ELOVL7: variants seen among roughly 807,000 people sequenced by gnomAD.
ELOVL7 encodes the protein ELOVL fatty acid elongase 7.
Under a neutral mutation model 35.7 loss-of-function variants are expected in ELOVL7, and 27 were observed. The ratio of observed to expected loss-of-function variants is 0.76; its 90% confidence interval spans 0.56 to 1.04. The LOEUF (loss-of-function observed/expected upper bound fraction) is 1.04. Ranked by LOEUF, ELOVL7 falls within the 50% of genes least tolerant of loss-of-function variation. The pLI is 0.00. For synonymous variants in ELOVL7, 113 were observed against 114.6 expected (o/e 0.99, Z 0.09); for missense variants, 327 against 340.8 (o/e 0.96, Z 0.32).
chr5:60,754,451 A>G lies in ELOVL7; in HGVS notation c.*173T>C. 1 of 619,650 alleles carries G rather than the reference A, an allele frequency of 1.6e-6. No homozygotes were observed. The highest frequency in any genetic ancestry group is 2.8e-6 in the Non-Finnish European group (1 of 358,350). The allele number at this position is 619,650 out of a possible 1,614,324, so 38.4% of individuals were successfully genotyped here. ...GGCTGCTGTAGGCTCTAATTATCAG[A>G]AGACTGTTATCTGGAAGCTTCGGGC... is the stretch of plus-strand genomic sequence containing the variant. On this transcript the variant is annotated 3_prime_UTR_variant, in exon 9 of 9. Coordinates refer to ENST00000508821, the MANE Select transcript of ELOVL7 (RefSeq NM_024930.3).
Position 60,757,585 on chromosome 5 carries a change from T to C in ELOVL7, c.560A>G (p.Tyr187Cys). The change falls in exon 8 of 9, where the codon TAC becomes TGC. Residue 187 changes from tyrosine to cysteine, a missense_variant. Tyr to Cys is a radical substitution (Grantham distance 194). Coordinates refer to ENST00000508821, the MANE Select transcript of ELOVL7 (RefSeq NM_024930.3). ...TGGCCCCAATGCAGAAAGTCCATAG[T>C]AGGAATACATGACTACATGTACAGC... Reference protein sequence around the residue: ...NTAVHVVMYSYYGLSALGPAY... With the variant: ...NTAVHVVMYSCYGLSALGPAY... 6.2e-7 allele frequency: 1 copy of C among 1,613,188 alleles called. No individual in the cohort carries two copies. Among genetic ancestry groups the C allele is most frequent in the Non-Finnish European group, 8.5e-7 (1 of 1,179,304 alleles).
At chr5:60,769,669 C>G (rs1271506477) in intron 4 of ELOVL7, among the ~76,000 whole-genome samples, 1 of 152,112 alleles carries the variant, frequency 6.6e-6, no homozygotes, top group African/African-American at 2.4e-5. Context: ...CTATCAAAAG[C>G]CTTTGTTTAA....
At chr5:60,819,292 A>G (rs1168908575) in intron 1 of ELOVL7, among the ~76,000 whole-genome samples, 1 of 152,106 alleles carries the variant, frequency 6.6e-6, no homozygotes, top group Non-Finnish European at 1.5e-5. Context: ...TGAATGAATT[A>G]CTACTAGTTG....
At chr5:60,780,280 C>T (rs1287560195) in intron 3 of ELOVL7, among the ~76,000 whole-genome samples, 4 of 152,072 alleles carry the variant, frequency 2.6e-5, no homozygotes, top group African/African-American at 9.7e-5. Flanking sequence ...CCACCACGCC[C>T]AGTTAATTTT....
intron 1 of ELOVL7, among the ~76,000 whole-genome samples, chr5:60,830,867 G>T (rs969406478): frequency 6.6e-6 from 1 of 152,000 alleles, no homozygotes; most frequent in African/African-American, 2.4e-5. Flanking sequence ...AATAATTTTT[G>T]CTTGGTAGAG....
intron 2 of ELOVL7, among the ~76,000 whole-genome samples, chr5:60,788,625 A>G (rs1193652839): frequency 6.6e-6 from 1 of 150,398 alleles, no homozygotes; most frequent in Non-Finnish European, 1.5e-5. Context: ...AAATACAAAA[A>G]CCAGCTAGGC....
chr5:60,798,122 C>T (rs1242969290), intron 2 of ELOVL7, among the ~76,000 whole-genome samples: 1 of 152,162 alleles, frequency 6.6e-6, no homozygotes, highest in East Asian at 1.9e-4. Context: ...TAAAACTAAG[C>T]TGTGCCCCGA....
At chr5:60,805,417 C>T (rs893654534) in intron 1 of ELOVL7, among the ~76,000 whole-genome samples, 3 of 152,156 alleles carry the variant, frequency 2.0e-5, no homozygotes, top group Admixed American at 6.5e-5. Flanking sequence ...GTGGTGGCAC[C>T]TGATTCTGGA....
intron 1 of ELOVL7, among the ~76,000 whole-genome samples, chr5:60,828,002 C>G (rs1180463081): frequency 1.8e-5 from 1 of 56,380 alleles, no homozygotes; most frequent in African/African-American, 6.9e-5. Context: ...CCTCAATTTC[C>G]CACATTTTAC....
intron 1 of ELOVL7, among the ~76,000 whole-genome samples, chr5:60,816,218 A>G (rs946788582): frequency 6.6e-6 from 1 of 152,128 alleles, no homozygotes; most frequent in African/African-American, 2.4e-5. Flanking sequence ...CATCTCTACT[A>G]AAAGTACAAA....
At chr5:60,830,591 CTTTT>C (rs1194123147) in intron 1 of ELOVL7, among the ~76,000 whole-genome samples, 34 of 145,964 alleles carry the variant, frequency 2.3e-4, no homozygotes, top group South Asian at 2.2e-3. Context: ...CCATCAGAGG[CTTTT>C]TTTTTCTTTC....
At position 60,766,596 on chromosome 5, in the gene ELOVL7, T is replaced by C. The variant is rs148759721; in HGVS notation, c.371A>G (p.Lys124Arg). The C allele has an allele frequency of 1.9e-5, 30 of 1,612,820 alleles. 1 individual carries two copies. The South Asian group carries it at 2.0e-4, about 11-fold the overall frequency. The change falls in exon 6 of 9, where the codon AAA (lysine) becomes AGA (arginine). Residue 124 changes from lysine to arginine, a missense_variant. Transcript: ENST00000508821. ...CACCGTATCTAATAGCTCAATAAATTTGGAGAAGTAATAAAGCCAGCAGGT... is the reference window on the plus strand; with the variant it reads ...CACCGTATCTAATAGCTCAATAAATCTGGAGAAGTAATAAAGCCAGCAGGT... ...ARTCWLYYFS[K>R]FIELLDTIFF...
At chr5:60,831,770 T>A (rs1045796762) in intron 1 of ELOVL7, among the ~76,000 whole-genome samples, 8 of 152,230 alleles carry the variant, frequency 5.3e-5, no homozygotes, top group African/African-American at 1.4e-4. Flanking sequence ...AAAAAGTACC[T>A]TATATATTTA....
In ELOVL7 at chr5:60,796,611, A is replaced by G. The variant is rs142622610; in HGVS notation, c.-35+2569T>C. On this transcript the variant is annotated intron_variant, in intron 2 of 8. Coordinates refer to ENST00000508821, the MANE Select transcript of ELOVL7 (RefSeq NM_024930.3). The stretch of plus-strand genomic sequence containing the variant: ...ACCAACATGTATTCATTCAAATAAA[A>G]GTTTGCTTCAGCGTAATCACTTTGG... Among the ~76,000 whole-genome samples, 66 of 152,380 alleles carry G rather than the reference A, an allele frequency of 4.3e-4. No individual in the cohort carries two copies. The East Asian group carries it at 0.012, about 28-fold the overall frequency.
At chr5:60,779,366 C>T (rs1824531) in intron 3 of ELOVL7, among the ~76,000 whole-genome samples, 23,501 of 152,216 alleles carry the variant, frequency 0.15, 1,972 homozygotes, top group South Asian at 0.29. Context: ...TCTACCTCTG[C>T]AGCAAACTTC....
intron 1 of ELOVL7, among the ~76,000 whole-genome samples, chr5:60,809,093 T>C (rs1236788279): frequency 6.6e-6 from 1 of 152,212 alleles, no homozygotes; most frequent in Non-Finnish European, 1.5e-5. Flanking sequence ...TTTTTGAGAA[T>C]GGTTGATGAT....
rs1199268155 is a variant in ELOVL7, at chr5:60,753,443, T to C, written c.*1181A>G. The C allele has an allele frequency of 1.3e-5, 2 of 152,122 alleles. No homozygotes were observed. The highest frequency in any genetic ancestry group is 4.8e-5 in the African/African-American group (2 of 41,410). 9.4% of individuals were successfully genotyped at this position (152,122 alleles called of 1,614,324 possible). ...TTAATTAATTCATAATTCCAGAAAA[T>C]GTTTTATTGTTCAGTGTATCTATAA... is the stretch of plus-strand genomic sequence containing the variant. On this transcript the variant is annotated 3_prime_UTR_variant, in exon 9 of 9. Coordinates refer to ENST00000508821, the MANE Select transcript of ELOVL7 (RefSeq NM_024930.3).
intron 1 of ELOVL7, among the ~76,000 whole-genome samples, chr5:60,800,433 C>A (rs1318369296): frequency 1.3e-5 from 2 of 152,122 alleles, no homozygotes; most frequent in African/African-American, 4.8e-5. Context: ...AATTCAGCAT[C>A]CTTTTATAAT....
chr5:60,802,255 T>C (rs1744689222), intron 1 of ELOVL7, among the ~76,000 whole-genome samples: 1 of 151,924 alleles, frequency 6.6e-6, no homozygotes, highest in African/African-American at 2.4e-5. Context: ...TTTTCTTTTA[T>C]ATCCCTTATG....
Sources: allele counts gnomAD v4.1 joint callset (sites outside exome capture counted in the v4.1 genomes callset), GRCh38; gene constraint gnomAD v4.1.1; transcripts MANE v1.5; gene names NCBI Gene and HGNC (gene_info 2026-07-23, HGNC 2026-07-21).